The following PAK5 variants were observed in gnomAD, a reference collection of about 807,000 sequenced individuals.
The protein encoded by PAK5 is serine/threonine-protein kinase PAK 5.
In PAK5, 16 loss-of-function variants were observed where a neutral mutation model predicts 65.9. The ratio of observed to expected loss-of-function variants is 0.24; its 90% CI spans 0.16 to 0.37. PAK5 has a LOEUF of 0.37. PAK5 is among the 10% of genes least tolerant of loss of function. The pLI, the probability that PAK5 is intolerant of heterozygous loss-of-function variation, is 1.00. For missense variants in PAK5, 785 were observed against 903.9 expected (o/e 0.87, Z 1.69); for synonymous variants, 371 against 354.9 (o/e 1.05, Z -0.51).
chr20:9,658,908 C>T (rs1196258903), intron 2 of PAK5, among the ~76,000 whole-genome samples: 1 of 152,112 alleles, frequency 6.6e-6, no homozygotes, highest in Non-Finnish European at 1.5e-5. Context: ...CAGAGGAATG[C>T]TGTAATTTCT....
At chr20:9,769,313 T>C (rs1076692) in intron 1 of PAK5, among the ~76,000 whole-genome samples, 121,432 of 152,178 alleles carry the variant, frequency 0.8, 48,788 homozygotes, top group African/African-American at 0.91. Flanking sequence ...ATATTATCTG[T>C]TAATTCTGCC....
chr20:9,629,505 A>G (rs1323195603), intron 3 of PAK5, among the ~76,000 whole-genome samples: 1 of 107,372 alleles, frequency 9.3e-6, no homozygotes, highest in African/African-American at 3.5e-5. Context: ...TTTAAAAAAT[A>G]CACACAGGGT....
At chr20:9,770,294 A>G (rs2048818680) in intron 1 of PAK5, among the ~76,000 whole-genome samples, 1 of 152,126 alleles carries the variant, frequency 6.6e-6, no homozygotes, top group Non-Finnish European at 1.5e-5. Flanking sequence ...GATGATGGGG[A>G]CATGGGGATG....
At chr20:9,778,527 C>T (rs2048909180) in intron 1 of PAK5, among the ~76,000 whole-genome samples, 2 of 152,180 alleles carry the variant, frequency 1.3e-5, no homozygotes, top group Non-Finnish European at 2.9e-5. Flanking sequence ...TGTGAGTCAC[C>T]ACGACAGGCC....
chr20:9,620,691 G>C (rs914713241), intron 3 of PAK5, among the ~76,000 whole-genome samples: 3 of 152,060 alleles, frequency 2.0e-5, no homozygotes, highest in Non-Finnish European at 4.4e-5. Context: ...CTGGAGATGT[G>C]GTGTTTAAAA....
intron 1 of PAK5, among the ~76,000 whole-genome samples, chr20:9,788,706 A>G (rs973259435): frequency 6.6e-6 from 1 of 152,146 alleles, no homozygotes; most frequent in African/African-American, 2.4e-5. Context: ...ACACAATTTT[A>G]TCTATAACTC....
At chr20:9,770,157 G>A (rs2048817194) in intron 1 of PAK5, among the ~76,000 whole-genome samples, 1 of 152,162 alleles carries the variant, frequency 6.6e-6, no homozygotes, top group South Asian at 2.1e-4. Context: ...GCAGGCGAAA[G>A]AGGACGGTCG....
intron 1 of PAK5, among the ~76,000 whole-genome samples, chr20:9,835,264 G>C (rs556724307): frequency 1.3e-5 from 2 of 152,232 alleles, no homozygotes; most frequent in East Asian, 1.9e-4. Flanking sequence ...AAACAAACAG[G>C]CATTTGCAAA....
At chr20:9,821,711 C>G (rs1005447828) in intron 1 of PAK5, among the ~76,000 whole-genome samples, 9 of 152,228 alleles carry the variant, frequency 5.9e-5, no homozygotes, top group African/African-American at 2.2e-4. Flanking sequence ...TTAAAATTCA[C>G]TGACATTTAC....
intron 4 of PAK5, among the ~76,000 whole-genome samples, chr20:9,574,135 T>C (rs2045842715): frequency 6.6e-6 from 1 of 152,154 alleles, no homozygotes; most frequent in Non-Finnish European, 1.5e-5. Flanking sequence ...ACTTGCATTC[T>C]CTGTAGGGAC....
chr20:9,618,672 C>T (rs529230766), intron 3 of PAK5, among the ~76,000 whole-genome samples: 1 of 151,966 alleles, frequency 6.6e-6, no homozygotes, highest in Admixed American at 6.5e-5. Flanking sequence ...CTTGGCCTCC[C>T]AAAGTGCTGG....
In PAK5 at chr20:9,644,309, T is replaced by C. The variant is rs569145578; in HGVS notation, c.20A>G (p.Lys7Arg). 5 of 1,610,012 alleles carry C rather than the reference T, an allele frequency of 3.1e-6. No individual in the cohort carries two copies. Among genetic ancestry groups the C allele is most frequent in the African/African-American group, 1.3e-5 (1 of 74,676 alleles). Residue 7 changes from lysine (K) to arginine (R), a missense_variant, in exon 3 of 10, where the codon AAA (lysine) becomes AGA (arginine). By Grantham distance (26) the Lys-to-Arg change is conservative. Around this residue, in one of 4 missense-constraint regions of PAK5, gnomAD observed 71 missense variants for 110.2 expected, o/e 0.64. Coordinates refer to ENST00000353224, the MANE Select transcript of PAK5 (RefSeq NM_177990.4). MFGKKK[K>R]KIEISGPSNF... is the part of the protein sequence containing the mutation. ...GGACGGGCCAGATATTTCAATCTTTTTCTTTTTCTTCCCAAACATGATGCC... is the reference window on the plus strand; with the variant it reads ...GGACGGGCCAGATATTTCAATCTTTCTCTTTTTCTTCCCAAACATGATGCC...
chr20:9,651,575 T>C (rs2047203605), intron 2 of PAK5, among the ~76,000 whole-genome samples: 1 of 152,256 alleles, frequency 6.6e-6, no homozygotes. Flanking sequence ...AAAGTGTGAA[T>C]GTATTTAATG....
chr20:9,611,328 T>C, intron 3 of PAK5, among the ~76,000 whole-genome samples: 1 of 152,184 alleles, frequency 6.6e-6, no homozygotes, highest in Non-Finnish European at 1.5e-5. Context: ...AGTCCTGTTG[T>C]GAAGGTGTCC....
chr20:9,636,333 G>A (rs924261481), intron 3 of PAK5, among the ~76,000 whole-genome samples: 1 of 152,124 alleles, frequency 6.6e-6, no homozygotes, highest in African/African-American at 2.4e-5. Flanking sequence ...CATAAACTAC[G>A]ATGGGAGAGA....
At chr20:9,665,725 C>T (rs779292317) in intron 2 of PAK5, among the ~76,000 whole-genome samples, 55 of 151,666 alleles carry the variant, frequency 3.6e-4, no homozygotes, top group Non-Finnish European at 5.7e-4. Context: ...AACTTCTGGC[C>T]TCAAGCAATC....
At chr20:9,632,047 A>G (rs1180651893) in intron 3 of PAK5, among the ~76,000 whole-genome samples, 1 of 152,242 alleles carries the variant, frequency 6.6e-6, no homozygotes, top group Non-Finnish European at 1.5e-5. Context: ...TTCAAGTTCC[A>G]AGCATGAGTG....
chr20:9,725,078 A>AAC (rs1235095588), intron 1 of PAK5, among the ~76,000 whole-genome samples: 1 of 151,972 alleles, frequency 6.6e-6, no homozygotes, highest in Non-Finnish European at 1.5e-5. Context: ...AATAAAATGG[A>AAC]ACACACACAC....
chr20:9,541,502 A>G (rs974562267), intron 9 of PAK5, among the ~76,000 whole-genome samples: 78 of 152,058 alleles, frequency 5.1e-4, no homozygotes, highest in Middle Eastern at 3.2e-3. Context: ...GACAAGACCT[A>G]CCTTTTTCCC....
Sources: gnomAD v4.1 joint callset for allele counts (sites outside exome capture counted in the v4.1 genomes callset) on GRCh38, gnomAD v4.1.1 for gene constraint, gnomAD v4.1.1 regional missense constraint, MANE v1.5 for transcripts, NCBI Gene and HGNC (gene_info 2026-07-23, HGNC 2026-07-21) for gene names.